Variants in ATP8A1 observed in about 807,000 individuals in gnomAD.
ATP8A1 encodes ATPase phospholipid transporting 8A1.
In ATP8A1, 90 loss-of-function variants were observed where a neutral mutation model predicts 177.7. The observed-to-expected ratio is 0.51, with a 90% CI of 0.43 to 0.60. The LOEUF (loss-of-function observed/expected upper bound fraction) is 0.60. Ranked by LOEUF, ATP8A1 falls within the 20% of genes least tolerant of loss-of-function variation. The pLI, the probability that ATP8A1 is intolerant of heterozygous loss-of-function variation, is 0.00. For synonymous variants in ATP8A1, 493 were observed against 485.9 expected, an observed-to-expected ratio of 1.01 and a Z score of -0.19; for missense variants, 1,072 against 1,392.8, an observed-to-expected ratio of 0.77 and a Z score of 3.67.
intron 24 of ATP8A1, among the ~76,000 whole-genome samples, chr4:42,501,814 C>T (rs1414107548): frequency 2.6e-5 from 4 of 152,138 alleles, no homozygotes; most frequent in African/African-American, 7.2e-5. Flanking sequence ...TGACCCTAAA[C>T]AGTCAGATTT....
At chr4:42,487,916 T>A (rs1722356316) in intron 24 of ATP8A1, among the ~76,000 whole-genome samples, 1 of 152,176 alleles carries the variant, frequency 6.6e-6, no homozygotes, top group South Asian at 2.1e-4. Flanking sequence ...TATAGCAGCA[T>A]TCTTTGCAAA....
At chr4:42,529,422 T>TCATGAACTGGGTACTTTCTGACCCAG (rs1727034585) in intron 20 of ATP8A1, among the ~76,000 whole-genome samples, 1 of 152,222 alleles carries the variant, frequency 6.6e-6, no homozygotes, top group Non-Finnish European at 1.5e-5. Context: ...GAACTGCGTA[T>TCATGAACTGGGTACTTTCTGACCCAG]CATGAACTGG....
At chr4:42,608,350 G>C (rs908441430) in intron 5 of ATP8A1, among the ~76,000 whole-genome samples, 1 of 138,716 alleles carries the variant, frequency 7.2e-6, no homozygotes, top group East Asian at 2.2e-4. Context: ...TGCCCTCCCC[G>C]GGCAATAATA....
chr4:42,427,018 T>G lies in ATP8A1; in HGVS notation c.3124-3313A>C, dbSNP rs577726901. ...AACATTTTTTTGGAGGGGAGTGCAG[T>G]AAGAGAAATGAATAACTTCCAGAGT... On this transcript the variant is annotated intron_variant, in intron 33 of 36. Coordinates refer to ENST00000381668, the MANE Select transcript of ATP8A1 (RefSeq NM_006095.2). Among the ~76,000 whole-genome samples the G allele has an allele frequency of 4.6e-5, 7 of 152,230 alleles. No homozygotes were observed. In the East Asian group the frequency reaches 1.2e-3, roughly 25 times the overall value.
chr4:42,483,268 C>T (rs1020478483), intron 25 of ATP8A1, among the ~76,000 whole-genome samples: 2 of 150,386 alleles, frequency 1.3e-5, no homozygotes, highest in Non-Finnish European at 3.0e-5. Flanking sequence ...TAATTATGGG[C>T]TTAGACCAAT....
chr4:42,588,973 G>A (rs976921005), intron 7 of ATP8A1, among the ~76,000 whole-genome samples: 15 of 152,140 alleles, frequency 9.9e-5, no homozygotes, highest in African/African-American at 2.9e-4. Flanking sequence ...TTCTCACAGC[G>A]GTAAAAACTA....
intron 6 of ATP8A1, among the ~76,000 whole-genome samples, chr4:42,598,619 T>C (rs1480737184): frequency 6.6e-6 from 1 of 152,198 alleles, no homozygotes; most frequent in East Asian, 1.9e-4. Context: ...CTTTTAATTT[T>C]TCTGGGAATA....
intron 27 of ATP8A1, chr4:42,459,522 A>T (rs898836728): frequency 3.1e-5 from 11 of 356,042 alleles, no homozygotes; most frequent in African/African-American, 2.4e-4. Flanking sequence ...ATTTGCTTGA[A>T]TGTCAGTGTT....
intron 22 of ATP8A1, among the ~76,000 whole-genome samples, chr4:42,515,535 C>CAAG (rs1293220672): frequency 6.6e-6 from 1 of 152,168 alleles, no homozygotes; most frequent in Non-Finnish European, 1.5e-5. Flanking sequence ...TACGCCACAT[C>CAAG]AAGGGACTCT....
intron 24 of ATP8A1, among the ~76,000 whole-genome samples, chr4:42,496,129 C>T (rs573403536): frequency 2.2e-4 from 34 of 152,160 alleles, no homozygotes; most frequent in African/African-American, 7.5e-4. Flanking sequence ...TAAGTGCTTG[C>T]GAGGCATCTA....
At position 42,639,626 on chromosome 4, in the gene ATP8A1, T is replaced by C. The variant is rs115727671; in HGVS notation, c.50-12517A>G. 2.9e-3 allele frequency among the ~76,000 whole-genome samples: 448 copies of C among 152,324 alleles called. 2 individuals are homozygous for C. Among genetic ancestry groups the C allele is most frequent in the African/African-American group, 0.01 (416 of 41,564 alleles). ...CTCTAAATGAATTCCTAGCCTATAG[T>C]AAATACATATATGTATGTGTAGGTA... is the stretch of plus-strand genomic sequence containing the variant. On this transcript the variant is annotated intron_variant, in intron 1 of 36. Coordinates refer to ENST00000381668, the MANE Select transcript of ATP8A1 (RefSeq NM_006095.2).
In ATP8A1 at chr4:42,625,663, T is replaced by C. The variant is rs747391880; in HGVS notation, c.215A>G (p.Gln72Arg). ...AAATGAATTAGCAGCTCTTCTGAAC[T>C]GAGAGTAGAGAAATCTTGGAAGGAA... is the stretch of plus-strand genomic sequence containing the variant. ...ITFLPRFLYSQFRRAANSFFL... is the reference protein window; with the variant it reads ...ITFLPRFLYSRFRRAANSFFL... The change falls in exon 3 of 37, where the codon CAG becomes CGG. Residue 72 changes from glutamine (Q) to arginine (R), a missense_variant. Coordinates refer to ENST00000381668, the MANE Select transcript of ATP8A1 (RefSeq NM_006095.2). 7.5e-6 allele frequency: 12 copies of C among 1,609,500 alleles called. No individual in the cohort carries two copies. Among genetic ancestry groups the C allele is most frequent in the Non-Finnish European group, 8.5e-6 (10 of 1,177,836 alleles).
chr4:42,526,416 T>C (rs957759840), intron 20 of ATP8A1, among the ~76,000 whole-genome samples: 3 of 152,152 alleles, frequency 2.0e-5, no homozygotes, highest in Admixed American at 1.3e-4. Context: ...TCTGTGAGGG[T>C]GTTACCAAAG....
At position 42,465,083 on chromosome 4, in the gene ATP8A1, T is replaced by C. The variant is rs1337980901; in HGVS notation, c.2325-7A>G. The C allele has an allele frequency of 5.0e-6, 8 of 1,607,084 alleles. No homozygotes were observed. The highest frequency in any genetic ancestry group is 6.0e-6 in the Non-Finnish European group (7 of 1,175,210). On this transcript the variant is annotated splice_region_variant and splice_polypyrimidine_tract_variant and intron_variant, in intron 25 of 36. Transcript: ENST00000381668. Reference sequence around the variant, plus strand: ...TTTTTGAAGAGGAGAAACCCTGAAATTGAAACACATTATCAATTACTGTTT... The same window carrying C: ...TTTTTGAAGAGGAGAAACCCTGAAACTGAAACACATTATCAATTACTGTTT...
intron 1 of ATP8A1, among the ~76,000 whole-genome samples, chr4:42,653,448 C>T (rs1242043313): frequency 2.6e-5 from 4 of 152,192 alleles, no homozygotes; most frequent in Admixed American, 6.5e-5. Flanking sequence ...GTTCAGTAGA[C>T]ATCTGCTGAA....
intron 22 of ATP8A1, among the ~76,000 whole-genome samples, chr4:42,514,879 C>T (rs529490734): frequency 6.6e-6 from 1 of 152,244 alleles, no homozygotes; most frequent in Non-Finnish European, 1.5e-5. Flanking sequence ...GGATGTTCTG[C>T]AGATGAAATT....
At chr4:42,473,424 C>A (rs377341714) in intron 25 of ATP8A1, among the ~76,000 whole-genome samples, 9 of 152,164 alleles carry the variant, frequency 5.9e-5, no homozygotes, top group African/African-American at 2.2e-4. Context: ...GGGAGCCTTG[C>A]CAATGGGACT....
intron 33 of ATP8A1, among the ~76,000 whole-genome samples, chr4:42,431,344 T>G (rs1460140040): frequency 6.6e-6 from 1 of 152,212 alleles, no homozygotes; most frequent in Non-Finnish European, 1.5e-5. Flanking sequence ...GTGTATTTTT[T>G]TTTGTTCCCC....
intron 9 of ATP8A1, among the ~76,000 whole-genome samples, chr4:42,586,078 G>A (rs375488713): frequency 1.1e-4 from 17 of 152,248 alleles, no homozygotes; most frequent in African/African-American, 3.9e-4. Context: ...GTTTACCCAC[G>A]AAACAATGTG....
Sources: allele counts gnomAD v4.1 joint callset (sites outside exome capture counted in the v4.1 genomes callset), GRCh38; gene constraint gnomAD v4.1.1; transcripts MANE v1.5; gene names NCBI Gene and HGNC (gene_info 2026-07-23, HGNC 2026-07-21).